Variants in TMEM117 observed in about 807,000 individuals in gnomAD.
TMEM117 encodes transmembrane protein 117.
In TMEM117, 27 loss-of-function variants were observed where a neutral mutation model predicts 52.4. The observed-to-expected ratio is 0.51, with a 90% confidence interval of 0.38 to 0.71. TMEM117 has a LOEUF of 0.71. TMEM117 is among the 30% of genes least tolerant of loss of function. TMEM117 has a pLI of 0.00. For synonymous variants in TMEM117, 215 were observed against 206.3 expected, an observed-to-expected ratio of 1.04 and a Z score of -0.36; for missense variants, 556 against 630.5, an observed-to-expected ratio of 0.88 and a Z score of 1.26.
At chr12:43,806,401 G>A in the TMEM117 span, 1 of 1,169,380 alleles carries the variant, frequency 8.6e-7, no homozygotes, top group Non-Finnish European at 1.1e-6. Flanking sequence ...GTGCCCGAGC[G>A]TCCCCGCCGC....
At chr12:43,909,818 C>G (rs1204515783) in intron 2 of TMEM117, among the ~76,000 whole-genome samples, 1 of 131,832 alleles carries the variant, frequency 7.6e-6, no homozygotes, top group Non-Finnish European at 1.7e-5. Context: ...TCTGAATAGA[C>G]CAATAACAGG....
At chr12:43,930,310 A>G (rs1944851265) in intron 2 of TMEM117, among the ~76,000 whole-genome samples, 2 of 152,174 alleles carry the variant, frequency 1.3e-5, no homozygotes, top group Admixed American at 6.5e-5. Context: ...CAAATGATCT[A>G]TGGGAAATTG....
chr12:44,048,096 C>A (rs1946908407), intron 3 of TMEM117, among the ~76,000 whole-genome samples: 1 of 151,976 alleles, frequency 6.6e-6, no homozygotes, highest in Admixed American at 6.6e-5. Flanking sequence ...TTTATTGTGT[C>A]AATTTTGTTG....
chr12:44,144,547 CAA>C (rs1948615321), intron 4 of TMEM117, among the ~76,000 whole-genome samples: 1 of 152,176 alleles, frequency 6.6e-6, no homozygotes, highest in Non-Finnish European at 1.5e-5. Context: ...TAGGTAGGAA[CAA>C]AAGAGTTCCT....
intron 1 of TMEM117, among the ~76,000 whole-genome samples, chr12:43,840,990 A>G (rs1943107809): frequency 6.6e-6 from 1 of 152,238 alleles, no homozygotes; most frequent in African/African-American, 2.4e-5. Context: ...CTAAGGAACT[A>G]GAAAGTAGGG....
chr12:44,250,234 A>C (rs1350576352), intron 5 of TMEM117, among the ~76,000 whole-genome samples: 2 of 152,240 alleles, frequency 1.3e-5, no homozygotes, highest in Non-Finnish European at 2.9e-5. Flanking sequence ...AAACATATGA[A>C]AAAAGCTCAG....
At chr12:44,095,011 A>G (rs1054145987) in intron 3 of TMEM117, among the ~76,000 whole-genome samples, 1 of 152,144 alleles carries the variant, frequency 6.6e-6, no homozygotes, top group Non-Finnish European at 1.5e-5. Context: ...AAATATTACC[A>G]TGTTGGTCAA....
intron 5 of TMEM117, among the ~76,000 whole-genome samples, chr12:44,211,934 A>C (rs1486518035): frequency 6.6e-6 from 1 of 152,264 alleles, no homozygotes; most frequent in Non-Finnish European, 1.5e-5. Context: ...AAGTTCAAAC[A>C]GAAAAGATAG....
intron 3 of TMEM117, among the ~76,000 whole-genome samples, chr12:43,991,934 C>T (rs1047230943): frequency 5.9e-5 from 9 of 152,062 alleles, no homozygotes; most frequent in East Asian, 1.9e-4. Context: ...CCTAGGCGGA[C>T]GGGTTGCTTG....
intron 3 of TMEM117, among the ~76,000 whole-genome samples, chr12:44,093,456 CA>C (rs1199952158): frequency 6.6e-6 from 1 of 152,152 alleles, no homozygotes; most frequent in Non-Finnish European, 1.5e-5. Context: ...ACAAGAATCA[CA>C]GTGTCCAGGA....
At chr12:43,912,507 T>TTATTTATATATATATATATA (rs1555183814) in intron 2 of TMEM117, among the ~76,000 whole-genome samples, 1 of 132,086 alleles carries the variant, frequency 7.6e-6, no homozygotes, top group African/African-American at 4.0e-5. Flanking sequence ...TAATAATAAT[T>TTATTTATATATATATATATA]TATATATATA....
chr12:44,068,348 T>C (rs1187073932), intron 3 of TMEM117, among the ~76,000 whole-genome samples: 1 of 152,232 alleles, frequency 6.6e-6, no homozygotes, highest in Non-Finnish European at 1.5e-5. Flanking sequence ...AGGGCCTAGC[T>C]TTTGGCCTAT....
intron 4 of TMEM117, among the ~76,000 whole-genome samples, chr12:44,179,300 A>C (rs946116212): frequency 6.6e-6 from 1 of 152,196 alleles, no homozygotes; most frequent in Non-Finnish European, 1.5e-5. Flanking sequence ...AAGTCCCATC[A>C]TAAGTCATCT....
intron 4 of TMEM117, among the ~76,000 whole-genome samples, chr12:44,195,525 A>T (rs566986574): frequency 2.0e-5 from 3 of 152,298 alleles, no homozygotes; most frequent in South Asian, 2.1e-4. Context: ...TCGGAATTCC[A>T]TCTCACATAT....
intron 3 of TMEM117, among the ~76,000 whole-genome samples, chr12:44,023,586 C>T (rs1475070803): frequency 6.6e-6 from 1 of 152,024 alleles, no homozygotes; most frequent in Non-Finnish European, 1.5e-5. Context: ...TGATGATGAG[C>T]ATTTTTTCAT....
At chr12:44,155,050 A>C (rs1948807883) in intron 4 of TMEM117, among the ~76,000 whole-genome samples, 1 of 152,068 alleles carries the variant, frequency 6.6e-6, no homozygotes, top group South Asian at 2.1e-4. Flanking sequence ...TTGTCCAAAT[A>C]TTTCTTAAGA....
intron 2 of TMEM117, among the ~76,000 whole-genome samples, chr12:43,878,726 T>C (rs1258975347): frequency 6.6e-6 from 1 of 152,168 alleles, no homozygotes; most frequent in East Asian, 1.9e-4. Context: ...AGTAGCACTA[T>C]GTAAAATCAT....
chr12:43,938,724 G>T (rs1033171679), intron 2 of TMEM117, among the ~76,000 whole-genome samples: 1 of 152,076 alleles, frequency 6.6e-6, no homozygotes, highest in Non-Finnish European at 1.5e-5. Context: ...GAAGGGCCGG[G>T]CATGGTGGCT....
At chr12:44,289,053 ACTC>A (rs1226921594) in intron 5 of TMEM117, among the ~76,000 whole-genome samples, 1 of 152,034 alleles carries the variant, frequency 6.6e-6, no homozygotes, top group East Asian at 1.9e-4. Context: ...CTGTTCTTCT[ACTC>A]TTTGCTTCTA....
Sources: gnomAD v4.1 joint callset for allele counts (sites outside exome capture counted in the v4.1 genomes callset) on GRCh38, gnomAD v4.1.1 for gene constraint, MANE v1.5 for transcripts, NCBI Gene and HGNC (gene_info 2026-07-23, HGNC 2026-07-21) for gene names.